The following SOX13 variants were observed in gnomAD, a reference collection of about 807,000 sequenced individuals.
SOX13 encodes the protein transcription factor SOX-13.
In SOX13, 28 loss-of-function variants were observed where a neutral mutation model predicts 71.8. The observed-to-expected ratio is 0.39, with a 90% CI of 0.29 to 0.53. The LOEUF is 0.53. Ranked by LOEUF, SOX13 falls within the 20% of genes least tolerant of loss-of-function variation. The pLI is 0.70. For missense variants in SOX13, 627 were observed against 810.3 expected, an observed-to-expected ratio of 0.77 and a Z score of 2.75; for synonymous variants, 309 against 317.8, an observed-to-expected ratio of 0.97 and a Z score of 0.29.
At chr1:204,108,743 T>C (rs550413919) in intron 1 of SOX13, among the ~76,000 whole-genome samples, 2 of 152,348 alleles carry the variant, frequency 1.3e-5, no homozygotes, top group Admixed American at 6.5e-5. Context: ...GCCCGCATTG[T>C]GCGCCTGTCA....
chr1:204,110,906 A>G (rs1171344701), intron 1 of SOX13, among the ~76,000 whole-genome samples: 2 of 151,938 alleles, frequency 1.3e-5, no homozygotes, highest in Non-Finnish European at 2.9e-5. Context: ...CCCATGCAAA[A>G]AAAAAAAAAT....
At chr1:204,105,203 A>C (rs1329004092) in intron 1 of SOX13, among the ~76,000 whole-genome samples, 1 of 152,138 alleles carries the variant, frequency 6.6e-6, no homozygotes. Context: ...GCTGAGACTC[A>C]AGGCTCTGCA....
At chr1:204,110,554 C>G (rs1313540985) in intron 1 of SOX13, among the ~76,000 whole-genome samples, 4 of 151,912 alleles carry the variant, frequency 2.6e-5, no homozygotes, top group Non-Finnish European at 5.9e-5. Flanking sequence ...TCTACTTGTT[C>G]AGTACAGATG....
chr1:204,114,194 G>A, intron 2 of SOX13, 127 bp from the exon 3 acceptor site: 1 of 617,988 alleles, frequency 1.6e-6, no homozygotes, highest in Middle Eastern at 4.4e-4. Context: ...GGGACCTAGT[G>A]AGTGGAGAAG....
chr1:204,122,417 T>C lies in SOX13; in HGVS notation c.1024+18T>C. 2 of 1,561,954 alleles carry C rather than the reference T, an allele frequency of 1.3e-6. No homozygotes were observed. Among genetic ancestry groups the C allele is most frequent in the East Asian group, 2.4e-5 (1 of 41,936 alleles). Reference sequence around the variant, plus strand: ...GCCTCTGGGTAAGCCTCCTGCTGCCTGCACTTGTCCCTCAGCCCTCTTAGG... The same window carrying C: ...GCCTCTGGGTAAGCCTCCTGCTGCCCGCACTTGTCCCTCAGCCCTCTTAGG... On this transcript the variant is annotated intron_variant, in intron 9 of 13. Coordinates refer to ENST00000367204, the MANE Select transcript of SOX13 (RefSeq NM_005686.3).
intron 4 of SOX13, among the ~76,000 whole-genome samples, chr1:204,114,949 G>C (rs897208763): frequency 1.3e-5 from 2 of 152,034 alleles, no homozygotes; most frequent in Admixed American, 1.3e-4. Context: ...TTCTAGGTCA[G>C]TTGGACCTCA....
chr1:204,087,033 C>T (rs1656036772), intron 1 of SOX13, among the ~76,000 whole-genome samples: 1 of 152,074 alleles, frequency 6.6e-6, no homozygotes, highest in Non-Finnish European at 1.5e-5. Flanking sequence ...CGCCATTCTC[C>T]TACCTCAGCC....
chr1:204,113,073 G>A lies in SOX13; in HGVS notation c.158G>A (p.Arg53Gln), dbSNP rs371454083. ...AAEPQPGDPA[R>Q]ASQDSADPQA... ...GAACCTCAGCCTGGAGACCCAGCCC[G>A]GGCCTCCCAGGATAGTGCTGACCCC... Residue 53 changes from arginine (R) to glutamine (Q), a missense_variant, in exon 2 of 14, where the codon CGG (arginine) becomes CAG (glutamine). Coordinates refer to ENST00000367204, the MANE Select transcript of SOX13 (RefSeq NM_005686.3). 185 of 1,600,582 alleles carry A rather than the reference G, an allele frequency of 1.2e-4. 2 individuals carry two copies. The South Asian group carries it at 1.8e-3, about 15-fold the overall frequency.
intron 13 of SOX13, 137 bp downstream of exon 13, chr1:204,124,994 A>G (rs994669420): frequency 7.4e-6 from 5 of 674,764 alleles, no homozygotes; most frequent in Non-Finnish European, 5.3e-6. Flanking sequence ...TGTGTGTGTT[A>G]TCTGTGTATA....
At position 204,073,222 on chromosome 1, in the gene SOX13, G is replaced by A. The variant is rs1395081463; in HGVS notation, c.-491G>A. ...CCGGGCCCAGAACCGGCGAGCCCAG[G>A]TCTGAGCCCAGAGCTCAGCGGTCAG... On this transcript the variant is annotated 5_prime_UTR_variant, in exon 1 of 14. Coordinates refer to ENST00000367204, the MANE Select transcript of SOX13 (RefSeq NM_005686.3). This position sits in a 1 kb window ranked among gnomAD's most constrained non-coding sequence, Gnocchi z 6.8. The A allele has an allele frequency of 6.6e-6, 1 of 152,264 alleles. No homozygotes were observed. Among genetic ancestry groups the A allele is most frequent in the African/African-American group, 2.4e-5 (1 of 41,428 alleles). The allele number at this position is 152,264 out of a possible 1,614,324, so 9.4% of individuals were successfully genotyped here.
chr1:204,126,440 C>T lies in SOX13; in HGVS notation c.*306C>T. On this transcript the variant is annotated 3_prime_UTR_variant, in exon 14 of 14. Coordinates refer to ENST00000367204, the MANE Select transcript of SOX13 (RefSeq NM_005686.3). Reference sequence around the variant, plus strand: ...CTCCTCTCCTGCAGGTGTCTATCCACCTGGGGTATGGCATCTACCGACCTG... The same window carrying T: ...CTCCTCTCCTGCAGGTGTCTATCCATCTGGGGTATGGCATCTACCGACCTG... 2.5e-6 allele frequency: 1 copy of T among 407,168 alleles called. No individual in the cohort carries two copies. The highest frequency in any genetic ancestry group is 4.5e-6 in the Non-Finnish European group (1 of 222,656). 25.2% of individuals were successfully genotyped at this position (407,168 alleles called of 1,614,324 possible).
rs1023347416 is a variant in SOX13 at position 204,074,907 on chromosome 1, ACT to A, written c.-2+1201_-2+1202del. 5.9e-5 allele frequency among the ~76,000 whole-genome samples: 9 copies of A among 152,028 alleles called. No homozygotes were observed. In the East Asian group the frequency reaches 9.7e-4, roughly 16 times the overall value. On this transcript the variant is annotated intron_variant, in intron 1 of 13. Coordinates refer to ENST00000367204, the MANE Select transcript of SOX13 (RefSeq NM_005686.3). Reference sequence around the variant, plus strand: ...GAGTTTTCCTGGGAAGTTTGCTTTGACTCTCTGGGAATTTCCGGGCAGGACGC... The same window carrying A: ...GAGTTTTCCTGGGAAGTTTGCTTTGACTCTGGGAATTTCCGGGCAGGACGC...
In SOX13 at chr1:204,125,919, A is replaced by T. The variant is rs1656911398; in HGVS notation, c.1654A>T (p.Met552Leu). 6.2e-7 allele frequency: 1 copy of T among 1,613,438 alleles called. No individual in the cohort carries two copies. Among genetic ancestry groups the T allele is most frequent in the South Asian group, 1.1e-5 (1 of 91,012 alleles). Residue 552 changes from methionine to leucine, a missense_variant, in exon 14 of 14, where the codon ATG (methionine) becomes TTG (leucine). Physicochemically the swap from Met to Leu is conservative, Grantham distance 15. Around this residue, in one of 3 missense-constraint regions of SOX13, gnomAD observed 148 missense variants for 192.7 expected, o/e 0.77. Transcript: ENST00000367204. ...SDVLYPRAAG[M>L]PLAQPLVEHY... ...TGTCCTGTACCCTCGGGCAGCAGGCATGCCGCTGGCACAGCCACTGGTGGA... is the reference window on the plus strand; with the variant it reads ...TGTCCTGTACCCTCGGGCAGCAGGCTTGCCGCTGGCACAGCCACTGGTGGA...
intron 1 of SOX13, among the ~76,000 whole-genome samples, chr1:204,085,633 G>A (rs1193596928): frequency 1.3e-5 from 2 of 151,524 alleles, no homozygotes; most frequent in Non-Finnish European, 2.9e-5. Flanking sequence ...ATGGGAGTTC[G>A]CTGGTCAAGA....
intron 12 of SOX13, among the ~76,000 whole-genome samples, 200 bp from the exon 13 acceptor site, chr1:204,124,441 A>C (rs963796524): frequency 7.2e-5 from 11 of 152,248 alleles, no homozygotes; most frequent in Non-Finnish European, 1.6e-4. Flanking sequence ...TGGCAGTTGG[A>C]TATCCCTATA....
intron 4 of SOX13, 108 bp from the exon 5 acceptor site, chr1:204,116,399 G>A: frequency 6.2e-7 from 1 of 1,601,992 alleles, no homozygotes; most frequent in South Asian, 1.1e-5. Context: ...AATGGTCCTG[G>A]GACATAGCAA....
chr1:204,114,743 GTC>G, intron 4 of SOX13, 138 bp downstream of exon 4: 1 of 686,270 alleles, frequency 1.5e-6, no homozygotes, highest in African/African-American at 1.8e-5. Context: ...GGCCTTAGGG[GTC>G]ATCACCATCC....
chr1:204,095,723 A>T (rs79205615), intron 1 of SOX13, among the ~76,000 whole-genome samples: 2,433 of 152,336 alleles, frequency 0.016, 65 homozygotes, highest in African/African-American at 0.054. Context: ...GTTCAGAGGC[A>T]TTAAGTCCAT....
At chr1:204,078,151 C>T (rs1012531419) in intron 1 of SOX13, 2 of 152,252 alleles carry the variant, frequency 1.3e-5, no homozygotes, top group African/African-American at 4.8e-5. Flanking sequence ...AGGCTAATGG[C>T]TGATGATGTC....
Sources: gnomAD v4.1 joint callset for allele counts (sites outside exome capture counted in the v4.1 genomes callset) on GRCh38, gnomAD v4.1.1 for gene constraint, gnomAD v4.1.1 regional missense constraint, Gnocchi (gnomAD v3.1) non-coding constraint, MANE v1.5 for transcripts, NCBI Gene and HGNC (gene_info 2026-07-23, HGNC 2026-07-21) for gene names.